PCDH11X: variants seen among roughly 807,000 people sequenced by gnomAD.
PCDH11X encodes protocadherin-11 X-linked.
A neutral mutation model predicts 53.3 loss-of-function variants in PCDH11X; 18 were observed. That is an observed-to-expected ratio of 0.34 (90% CI 0.23 to 0.50). The LOEUF is 0.50. Ranked by LOEUF, PCDH11X falls within the 20% of genes least tolerant of loss-of-function variation. The pLI is 0.98. For missense variants in PCDH11X, 570 were observed against 1,032.4 expected (o/e 0.55, Z 6.14); for synonymous variants, 279 against 393.3 (o/e 0.71, Z 3.44).
intron 1 of PCDH11X, among the ~76,000 whole-genome samples, chrX:91,791,516 A>G (rs1302085660): frequency 9.2e-6 from 1 of 108,528 alleles, no homozygotes; most frequent in Non-Finnish European, 1.9e-5. Context: ...ATCCACCCCC[A>G]TGATCCTATC....
intron 7 of PCDH11X, among the ~76,000 whole-genome samples, chrX:92,244,765 G>A (rs997253423): frequency 9.0e-6 from 1 of 111,489 alleles, no homozygotes; most frequent in East Asian, 2.8e-4. Flanking sequence ...TGGTAGAATT[G>A]GGTTTTGAGA....
chrX:91,847,658 C>T (rs1310682384), intron 5 of PCDH11X, among the ~76,000 whole-genome samples: 12 of 111,442 alleles, frequency 1.1e-4, no homozygotes, highest in African/African-American at 3.6e-4. Flanking sequence ...TTTAATTTAG[C>T]AGAGCGACTC....
chrX:92,438,924 T>A (rs752062119), intron 9 of PCDH11X, among the ~76,000 whole-genome samples: 1 of 111,391 alleles, frequency 9.0e-6, no homozygotes, highest in East Asian at 2.8e-4. Context: ...AGACATGAGA[T>A]TAATATGGGT....
intron 8 of PCDH11X, among the ~76,000 whole-genome samples, chrX:92,284,751 A>G (rs1277166969): frequency 8.9e-6 from 1 of 112,446 alleles, no homozygotes; most frequent in African/African-American, 3.2e-5. Context: ...CTAATGTAAT[A>G]TATAGATTTT....
At chrX:92,044,115 T>A (rs190572848) in intron 6 of PCDH11X, among the ~76,000 whole-genome samples, 1 of 110,792 alleles carries the variant, frequency 9.0e-6, no homozygotes, top group Non-Finnish European at 1.9e-5. Flanking sequence ...GATTTGAATT[T>A]TTTTAATATT....
chrX:92,101,726 T>C (rs1185859257), intron 6 of PCDH11X, among the ~76,000 whole-genome samples: 1 of 110,153 alleles, frequency 9.1e-6, no homozygotes, highest in East Asian at 2.9e-4. Flanking sequence ...TATTTTAGTT[T>C]CCTGACTCGG....
chrX:92,157,937 G>A (rs896526469), intron 6 of PCDH11X, among the ~76,000 whole-genome samples: 4 of 111,805 alleles, frequency 3.6e-5, no homozygotes, highest in Admixed American at 9.6e-5. Flanking sequence ...CAAGAAGGCC[G>A]GTCGCGGTAG....
chrX:92,553,384 C>G (rs1419020883), intron 10 of PCDH11X, among the ~76,000 whole-genome samples: 2 of 109,448 alleles, frequency 1.8e-5, no homozygotes, highest in Admixed American at 9.9e-5. Context: ...ATAGTAGCCA[C>G]TAATGACCCT....
chrX:92,395,076 A>T (rs2071214402), intron 9 of PCDH11X, among the ~76,000 whole-genome samples: 1 of 111,354 alleles, frequency 9.0e-6, no homozygotes, highest in African/African-American at 3.2e-5. Context: ...TCTCTCTCTT[A>T]ATCAATAATC....
At chrX:92,300,219 C>T (rs777673499) in intron 8 of PCDH11X, among the ~76,000 whole-genome samples, 11 of 110,957 alleles carry the variant, frequency 9.9e-5, no homozygotes, top group East Asian at 5.7e-4. Flanking sequence ...TATGTCTGAT[C>T]GTGTTGTCAA....
chrX:91,827,896 T>G (rs1350122732), intron 4 of PCDH11X, among the ~76,000 whole-genome samples: 3 of 107,585 alleles, frequency 2.8e-5, no homozygotes, highest in Non-Finnish European at 5.8e-5. Context: ...TCGTTCTTTT[T>G]GCTTAGGATT....
intron 6 of PCDH11X, among the ~76,000 whole-genome samples, chrX:91,960,804 T>C (rs999638123): frequency 4.5e-5 from 5 of 111,213 alleles, no homozygotes; most frequent in Non-Finnish European, 1.9e-5. Flanking sequence ...ATTTTGAGGG[T>C]CTTGCTATCC....
intron 6 of PCDH11X, among the ~76,000 whole-genome samples, chrX:91,910,241 T>G (rs1329210840): frequency 9.4e-6 from 1 of 106,361 alleles, no homozygotes; most frequent in Non-Finnish European, 1.9e-5. Context: ...GATAAAATTT[T>G]TCTTTACCTG....
chrX:92,467,289 A>G (rs2073174549), intron 9 of PCDH11X, among the ~76,000 whole-genome samples: 1 of 111,283 alleles, frequency 9.0e-6, no homozygotes, highest in South Asian at 3.7e-4. Flanking sequence ...GCATAGAAAC[A>G]TTACTTTCAC....
At chrX:92,341,026 T>A (rs1267158380) in intron 8 of PCDH11X, among the ~76,000 whole-genome samples, 4 of 111,612 alleles carry the variant, frequency 3.6e-5, no homozygotes, top group Non-Finnish European at 5.6e-5. Flanking sequence ...CACTTGCTGC[T>A]AGAACTTTCT....
intron 6 of PCDH11X, among the ~76,000 whole-genome samples, chrX:92,131,868 T>G (rs1335930867): frequency 1.8e-5 from 2 of 108,453 alleles, no homozygotes; most frequent in Non-Finnish European, 3.8e-5. Flanking sequence ...AAGAATTCCT[T>G]TGTTATTTTG....
At chrX:92,149,912 G>A (rs1569391507) in intron 6 of PCDH11X, among the ~76,000 whole-genome samples, 1 of 111,311 alleles carries the variant, frequency 9.0e-6, no homozygotes, top group Non-Finnish European at 1.9e-5. Flanking sequence ...TTATCCATGT[G>A]GATAAAGTAG....
intron 10 of PCDH11X, among the ~76,000 whole-genome samples, chrX:92,593,518 T>C (rs1274383212): frequency 2.7e-5 from 3 of 111,765 alleles, no homozygotes; most frequent in Non-Finnish European, 5.6e-5. Flanking sequence ...TAAGAAGGCA[T>C]GGGAATTTTT....
chrX:92,343,031 G>A (rs1236028549), intron 8 of PCDH11X, among the ~76,000 whole-genome samples: 1 of 111,961 alleles, frequency 8.9e-6, no homozygotes, highest in Non-Finnish European at 1.9e-5. Context: ...ATCAAATTAA[G>A]TGTTTTATAT....
Sources: allele counts gnomAD v4.1 joint callset (sites outside exome capture counted in the v4.1 genomes callset), GRCh38; gene constraint gnomAD v4.1.1; transcripts MANE v1.5; gene names NCBI Gene and HGNC (gene_info 2026-07-23, HGNC 2026-07-21).